The following MAPT variants were observed in gnomAD, a reference collection of about 807,000 sequenced individuals.
MAPT encodes the protein microtubule associated protein tau.
Under a neutral mutation model 67.9 loss-of-function variants are expected in MAPT, and 34 were observed. That is an observed-to-expected ratio of 0.50 (90% confidence interval 0.38 to 0.67). The LOEUF is 0.67. MAPT is among the 30% of genes least tolerant of loss of function. MAPT has a pLI of 0.00. For synonymous variants in MAPT, 456 were observed against 464.5 expected (o/e 0.98, Z 0.23); for missense variants, 881 against 1,115.2 (o/e 0.79, Z 2.99).
intron 1 of MAPT, among the ~76,000 whole-genome samples, chr17:45,939,852 C>T (rs1004908673): frequency 2.6e-5 from 4 of 152,146 alleles, no homozygotes; most frequent in East Asian, 1.9e-4. Context: ...GCTCTCTTGA[C>T]GTAACGTGTT....
chr17:45,930,752 C>A (rs1360853430), intron 1 of MAPT, among the ~76,000 whole-genome samples: 2 of 152,260 alleles, frequency 1.3e-5, no homozygotes, highest in Non-Finnish European at 2.9e-5. Context: ...AGGTGAACGC[C>A]GTTCAGAAAT....
chr17:45,937,057 A>G (rs1411464206), intron 1 of MAPT, among the ~76,000 whole-genome samples: 1 of 152,196 alleles, frequency 6.6e-6, no homozygotes, highest in Non-Finnish European at 1.5e-5. Flanking sequence ...TGTATGCGAT[A>G]TGAGAGCTCG....
At chr17:45,895,755 G>GCCC (rs2063155966) in intron 1 of MAPT, 3 of 152,256 alleles carry the variant, frequency 2.0e-5, no homozygotes, top group Non-Finnish European at 2.9e-5. Context: ...CCCGCCCCCA[G>GCCC]CCCCCCTTTT....
At chr17:45,928,852 C>G (rs140454192) in intron 1 of MAPT, among the ~76,000 whole-genome samples, 1 of 152,106 alleles carries the variant, frequency 6.6e-6, no homozygotes, top group African/African-American at 2.4e-5. Flanking sequence ...CTCGCCACCA[C>G]GCCCAGCTAA....
chr17:45,939,430 C>A (rs1229803496), intron 1 of MAPT, among the ~76,000 whole-genome samples: 1 of 152,172 alleles, frequency 6.6e-6, no homozygotes, highest in African/African-American at 2.4e-5. Flanking sequence ...AGTGTTGCAG[C>A]ATCTTATCTC....
At chr17:45,905,470 G>T (rs987655280) in intron 1 of MAPT, among the ~76,000 whole-genome samples, 1 of 152,084 alleles carries the variant, frequency 6.6e-6, no homozygotes, top group Non-Finnish European at 1.5e-5. Flanking sequence ...ACCAATGTTC[G>T]ATGGCTGATG....
At chr17:45,899,045 G>T (rs1012136313) in intron 1 of MAPT, among the ~76,000 whole-genome samples, 1 of 152,138 alleles carries the variant, frequency 6.6e-6, no homozygotes. Context: ...CGTTTGGGGG[G>T]CACCTCAGCA....
At chr17:45,935,684 G>A (rs1338468272) in intron 1 of MAPT, among the ~76,000 whole-genome samples, 7 of 152,152 alleles carry the variant, frequency 4.6e-5, no homozygotes, top group East Asian at 1.9e-4. Context: ...CTCCACCATC[G>A]CCTTTGACCA....
intron 1 of MAPT, among the ~76,000 whole-genome samples, chr17:45,916,869 C>T (rs1436639810): frequency 6.6e-6 from 1 of 152,220 alleles, no homozygotes; most frequent in African/African-American, 2.4e-5. Context: ...GCTGGACTAG[C>T]ACAGGTGTCC....
chr17:45,988,303 A>T (rs919461), intron 6 of MAPT, among the ~76,000 whole-genome samples: 22,081 of 152,282 alleles, frequency 0.15, 2,144 homozygotes, highest in Non-Finnish European at 0.22. Context: ...GAAGTCTGGG[A>T]CAGGACCCTT....
chr17:45,936,174 C>G (rs181134106), intron 1 of MAPT, among the ~76,000 whole-genome samples: 46 of 152,356 alleles, frequency 3.0e-4, no homozygotes, highest in African/African-American at 1.1e-3. Context: ...GCTTCCTGGC[C>G]AGACCGAATA....
chr17:46,019,899 C>A (rs1449215462), intron 12 of MAPT, among the ~76,000 whole-genome samples: 1 of 151,516 alleles, frequency 6.6e-6, no homozygotes, highest in Non-Finnish European at 1.5e-5. Context: ...GTAATCCCAG[C>A]TACTTGGGAG....
chr17:45,918,068 C>T (rs906733959), intron 1 of MAPT, among the ~76,000 whole-genome samples: 33 of 152,162 alleles, frequency 2.2e-4, no homozygotes, highest in Non-Finnish European at 4.4e-4. Flanking sequence ...GCCACCATGC[C>T]CAGCCAGCAT....
intron 1 of MAPT, among the ~76,000 whole-genome samples, chr17:45,923,736 T>G (rs1022146504): frequency 2.0e-5 from 3 of 152,194 alleles, no homozygotes; most frequent in Non-Finnish European, 4.4e-5. Context: ...TTATTTGCTT[T>G]GAGAACATAT....
chr17:45,978,618 T>C (rs2072630468), intron 4 of MAPT, 178 bp downstream of exon 4: 3 of 595,988 alleles, frequency 5.0e-6, no homozygotes, highest in Non-Finnish European at 5.9e-6. Flanking sequence ...CTAGTGGTTT[T>C]TTTCTAATAC....
chr17:45,973,682 G>A (rs1362675527), intron 3 of MAPT: 1 of 152,372 alleles, frequency 6.6e-6, no homozygotes, highest in African/African-American at 2.4e-5. Flanking sequence ...TGCTCGGGAG[G>A]GACGCTGATT....
intron 1 of MAPT, among the ~76,000 whole-genome samples, chr17:45,903,967 TATATA>T (rs1179362226): frequency 0.12 from 2,181 of 18,874 alleles, 313 homozygotes; most frequent in Non-Finnish European, 0.13. Flanking sequence ...TATTATATAT[TATATA>T]TTATATATTA....
intron 9 of MAPT, among the ~76,000 whole-genome samples, chr17:46,002,513 A>G (rs1195947097): frequency 3.9e-5 from 6 of 152,064 alleles, no homozygotes; most frequent in African/African-American, 1.4e-4. Context: ...CAGGGGCCCA[A>G]GCATGGGGGG....
At position 45,991,527 on chromosome 17, in the gene MAPT, C is replaced by T. The variant is rs748313206; in HGVS notation, c.1673C>T (p.Ala558Val). ...GCCCCTCCAGGCCAGAAGGGCCAGG[C>T]CAACGCCACCAGGATTCCAGCAAAA... The part of the protein sequence containing the change: ...GAAPPGQKGQ[A>V]NATRIPAKTP... The change falls in exon 8 of 13, where the codon GCC becomes GTC. Residue 558 changes from alanine (A) to valine (V), a missense_variant. By Grantham distance (64) the Ala-to-Val change is moderately conservative. This residue lies in a region of MAPT where 687 missense variants were observed against 766.1 expected (regional missense o/e 0.90). Transcript: ENST00000262410. 5.6e-6 allele frequency: 9 copies of T among 1,614,102 alleles called. No individual in the cohort carries two copies. Among genetic ancestry groups the T allele is most frequent in the Non-Finnish European group, 7.6e-6 (9 of 1,180,048 alleles).
Sources: allele counts gnomAD v4.1 joint callset (sites outside exome capture counted in the v4.1 genomes callset), GRCh38; gene constraint gnomAD v4.1.1; regional missense constraint gnomAD v4.1.1; transcripts MANE v1.5; gene names NCBI Gene and HGNC (gene_info 2026-07-23, HGNC 2026-07-21).